Variants in MDGA2 observed in about 807,000 individuals in gnomAD.
MDGA2 encodes the protein MAM domain containing glycosylphosphatidylinositol anchor 2.
MDGA2 carries 40 observed loss-of-function variants against 117.8 expected under a neutral mutation model. The observed-to-expected ratio is 0.34, with a 90% CI of 0.26 to 0.44. The LOEUF (loss-of-function observed/expected upper bound fraction) is 0.44. Ranked by LOEUF, MDGA2 falls within the 20% of genes least tolerant of loss-of-function variation. The pLI is 1.00. For missense variants in MDGA2, 1,123 were observed against 1,250.6 expected, an observed-to-expected ratio of 0.90 and a Z score of 1.54; for synonymous variants, 452 against 439.0, an observed-to-expected ratio of 1.03 and a Z score of -0.37.
intron 1 of MDGA2, among the ~76,000 whole-genome samples, chr14:47,456,140 G>A (rs987291498): frequency 2.9e-4 from 44 of 152,248 alleles, no homozygotes; most frequent in Admixed American, 2.9e-3. Context: ...AAGGAAAGGA[G>A]GGAAGGACAA....
intron 2 of MDGA2, among the ~76,000 whole-genome samples, chr14:47,220,582 C>G (rs2139521932): frequency 6.6e-6 from 1 of 150,832 alleles, no homozygotes; most frequent in African/African-American, 2.5e-5. Flanking sequence ...TAGAAGAAAT[C>G]TGAAATCCTG....
chr14:47,247,394 T>TC (rs990287065), intron 2 of MDGA2, among the ~76,000 whole-genome samples: 2 of 150,736 alleles, frequency 1.3e-5, no homozygotes, highest in African/African-American at 2.4e-5. Flanking sequence ...AACCTCTGCC[T>TC]CGCAGGTTCA....
intron 3 of MDGA2, among the ~76,000 whole-genome samples, chr14:47,210,974 C>T (rs181848099): frequency 6.6e-6 from 1 of 152,076 alleles, no homozygotes; most frequent in East Asian, 1.9e-4. Context: ...CACAGCAAAC[C>T]CTGTCTCTAA....
chr14:47,653,535 G>T (rs1211321286), intron 1 of MDGA2, among the ~76,000 whole-genome samples: 1 of 152,144 alleles, frequency 6.6e-6, no homozygotes, highest in Non-Finnish European at 1.5e-5. Context: ...TATTACTGTG[G>T]TAAGCAGTAA....
chr14:47,442,032 AG>A (rs56412346), intron 1 of MDGA2, among the ~76,000 whole-genome samples: 52,869 of 151,914 alleles, frequency 0.35, 9,379 homozygotes, highest in East Asian at 0.59. Flanking sequence ...AGTCTAGTGA[AG>A]AAAAGATAAA....
intron 1 of MDGA2, among the ~76,000 whole-genome samples, chr14:47,459,174 T>C (rs919502504): frequency 1.3e-5 from 2 of 151,984 alleles, no homozygotes; most frequent in African/African-American, 4.8e-5. Context: ...ATTCTTGATG[T>C]CTTTGAATTG....
intron 9 of MDGA2, among the ~76,000 whole-genome samples, chr14:46,935,954 T>C (rs1884764891): frequency 1.3e-5 from 2 of 152,046 alleles, no homozygotes. Context: ...TCCAAGAAAA[T>C]GTTTTAAATT....
chr14:47,548,094 T>C (rs1303303738), intron 1 of MDGA2, among the ~76,000 whole-genome samples: 1 of 152,188 alleles, frequency 6.6e-6, no homozygotes, highest in Admixed American at 6.5e-5. Flanking sequence ...CTAAAATATA[T>C]TTGTACTCTC....
At chr14:47,294,901 ATC>A (rs1889011161) in intron 2 of MDGA2, among the ~76,000 whole-genome samples, 1 of 152,222 alleles carries the variant, frequency 6.6e-6, no homozygotes, top group South Asian at 2.1e-4. Context: ...GGACAAAAGC[ATC>A]AATAACTCTG....
intron 6 of MDGA2, among the ~76,000 whole-genome samples, chr14:47,080,711 C>T (rs1436300515): frequency 6.6e-6 from 1 of 152,148 alleles, no homozygotes; most frequent in African/African-American, 2.4e-5. Context: ...ATAGTTCCAC[C>T]TCTTTCTAGC....
chr14:47,343,137 A>T, intron 1 of MDGA2: 1 of 1,191,936 alleles, frequency 8.4e-7, no homozygotes, highest in Non-Finnish European at 1.1e-6. Flanking sequence ...ATAATGAAAC[A>T]GCTGAGGTTA....
chr14:47,208,076 T>C (rs1885751833), intron 3 of MDGA2, among the ~76,000 whole-genome samples: 1 of 151,982 alleles, frequency 6.6e-6, no homozygotes, highest in Non-Finnish European at 1.5e-5. Flanking sequence ...TAAAATAAAC[T>C]CTTGTCTTAA....
At chr14:47,600,674 T>A (rs1245650210) in intron 1 of MDGA2, among the ~76,000 whole-genome samples, 2 of 151,046 alleles carry the variant, frequency 1.3e-5, no homozygotes, top group Middle Eastern at 3.4e-3. Context: ...ACCTCAGTCA[T>A]CCTTGTCCTG....
intron 1 of MDGA2, among the ~76,000 whole-genome samples, chr14:47,539,943 A>G (rs1235330213): frequency 2.6e-5 from 4 of 152,200 alleles, no homozygotes; most frequent in Non-Finnish European, 5.9e-5. Flanking sequence ...CATTCAGGGC[A>G]TCTGCCCTTG....
chr14:47,061,224 T>G (rs765390025), intron 7 of MDGA2, 25 bp downstream of exon 7: 1 of 1,567,730 alleles, frequency 6.4e-7, no homozygotes. Context: ...GAACATCTTT[T>G]ACATCATAAA....
At chr14:47,248,219 A>T (rs367940731) in intron 2 of MDGA2, among the ~76,000 whole-genome samples, 2 of 151,656 alleles carry the variant, frequency 1.3e-5, no homozygotes, top group Admixed American at 6.6e-5. Context: ...ATAAATAAAA[A>T]AAATAAATAT....
chr14:47,345,080 C>A (rs1890735760), intron 1 of MDGA2, among the ~76,000 whole-genome samples: 1 of 151,934 alleles, frequency 6.6e-6, no homozygotes, highest in Non-Finnish European at 1.5e-5. Context: ...ACATTTCTCT[C>A]CTTAGGGAAT....
intron 1 of MDGA2, among the ~76,000 whole-genome samples, chr14:47,667,596 T>C (rs73249250): frequency 0.015 from 2,254 of 152,352 alleles, 55 homozygotes; most frequent in African/African-American, 0.05. Flanking sequence ...TAAAAATATA[T>C]GCTTTTGCTG....
chr14:47,634,968 G>T (rs373163858), intron 1 of MDGA2, among the ~76,000 whole-genome samples: 1 of 151,940 alleles, frequency 6.6e-6, no homozygotes, highest in Non-Finnish European at 1.5e-5. Context: ...GTGACCTCAG[G>T]CAAGTGACTT....
Sources: allele counts gnomAD v4.1 joint callset (sites outside exome capture counted in the v4.1 genomes callset), GRCh38; gene constraint gnomAD v4.1.1; transcripts MANE v1.5; gene names NCBI Gene and HGNC (gene_info 2026-07-23, HGNC 2026-07-21).